Variants in SLC23A2 observed in about 807,000 individuals in gnomAD.
SLC23A2 encodes Na(+)/L-ascorbic acid transporter 2.
SLC23A2 carries 36 observed loss-of-function variants against 73.3 expected under a neutral mutation model. The ratio of observed to expected loss-of-function variants is 0.49; its 90% CI spans 0.38 to 0.65. SLC23A2 has a LOEUF of 0.65. Among genes scored for constraint, SLC23A2 ranks in the 30% least tolerant of loss-of-function variants. The pLI is 0.00. For synonymous variants in SLC23A2, 343 were observed against 327.3 expected (o/e 1.05, Z -0.52); for missense variants, 507 against 841.6 (o/e 0.60, Z 4.92).
Position 4,899,477 on chromosome 20 carries a change from A to C in SLC23A2, c.482+78T>G. On this transcript the variant is annotated intron_variant, in intron 6 of 16. Coordinates refer to ENST00000338244, the MANE Select transcript of SLC23A2 (RefSeq NM_005116.6). The surrounding 1 kb of genome is among the most constrained non-coding windows in gnomAD (Gnocchi z 4.9). ...TCTGTCCTTGCCAACAGCCCTAGGCAAACGGCGCAGCTCAATGCCTTCTGC... is the reference window on the plus strand; with the variant it reads ...TCTGTCCTTGCCAACAGCCCTAGGCCAACGGCGCAGCTCAATGCCTTCTGC... 3 of 1,519,840 alleles carry C rather than the reference A, an allele frequency of 2.0e-6. No homozygotes were observed. Among genetic ancestry groups the C allele is most frequent in the Non-Finnish European group, 2.7e-6 (3 of 1,101,644 alleles). The allele number at this position is 1,519,840 out of a possible 1,614,324, so 94.1% of individuals were successfully genotyped here. A position where few individuals can be genotyped will look rare whatever the true frequency, so the allele number is the denominator to read the frequency against.
intron 2 of SLC23A2, among the ~76,000 whole-genome samples, chr20:4,962,813 C>A (rs2122189723): frequency 6.6e-6 from 1 of 152,244 alleles, no homozygotes; most frequent in East Asian, 1.9e-4. Context: ...GCCTTGCCAA[C>A]ATGGTAAAAC....
intron 2 of SLC23A2, among the ~76,000 whole-genome samples, chr20:4,954,378 A>G (rs1453936246): frequency 6.6e-6 from 1 of 152,136 alleles, no homozygotes; most frequent in Non-Finnish European, 1.5e-5. Flanking sequence ...TCATGCCACA[A>G]GGAAAATTTC....
At chr20:4,887,094 G>A (rs544555479) in intron 6 of SLC23A2, among the ~76,000 whole-genome samples, 82 of 152,276 alleles carry the variant, frequency 5.4e-4, no homozygotes, top group African/African-American at 1.4e-3. Flanking sequence ...GAGTAGGAAG[G>A]GTGCTGGCTT....
chr20:4,909,907 G>T (rs111657866), intron 4 of SLC23A2, among the ~76,000 whole-genome samples: 6 of 152,098 alleles, frequency 3.9e-5, no homozygotes, highest in African/African-American at 1.4e-4. Context: ...AGTTACAGAA[G>T]ACAAGTTTAT....
At chr20:4,924,016 G>A (rs1351058825) in intron 3 of SLC23A2, among the ~76,000 whole-genome samples, 1 of 152,164 alleles carries the variant, frequency 6.6e-6, no homozygotes. Context: ...AAGGAGCATG[G>A]GTCCCTGATC....
At chr20:4,951,472 G>C (rs775697502) in intron 2 of SLC23A2, among the ~76,000 whole-genome samples, 128 of 152,108 alleles carry the variant, frequency 8.4e-4, no homozygotes, top group Non-Finnish European at 1.7e-3. Context: ...CAAAGAACAA[G>C]GCCAAGCTGT....
At chr20:4,870,795 C>T (rs1481271680) in intron 11 of SLC23A2, among the ~76,000 whole-genome samples, 2 of 152,172 alleles carry the variant, frequency 1.3e-5, no homozygotes, top group Non-Finnish European at 2.9e-5. Flanking sequence ...AGTGAAAAGG[C>T]AGTGAGAAAT....
chr20:4,869,921 A>C lies in SLC23A2; in HGVS notation c.1235T>G (p.Ile412Ser). Residue 412 changes from isoleucine (I) to serine (S), a missense_variant, in exon 12 of 17, where the codon ATC becomes AGC. This residue lies in a region of SLC23A2 where 27 missense variants were observed against 18.2 expected (regional missense o/e 1.48). Coordinates refer to ENST00000338244, the MANE Select transcript of SLC23A2 (RefSeq NM_005116.6). ...AGGAACGTACCTGTTTATTGCGTGG[A>C]TGGGGGGGGGTGGGGCACAGGACAG... is the stretch of plus-strand genomic sequence containing the variant. Reference protein sequence around the residue: ...ARLSCAPPPPIHAINRGIFVE... With the variant: ...ARLSCAPPPPSHAINRGIFVE... 1.8e-5 allele frequency: 20 copies of C among 1,114,626 alleles called. No individual in the cohort carries two copies. Among genetic ancestry groups the C allele is most frequent in the Non-Finnish European group, 2.7e-5 (20 of 749,206 alleles). The allele number at this position is 1,114,626 out of a possible 1,614,324, so 69.0% of individuals were successfully genotyped here. A position where few individuals can be genotyped will look rare whatever the true frequency, so the allele number is the denominator to read the frequency against.
intron 4 of SLC23A2, among the ~76,000 whole-genome samples, chr20:4,903,959 C>T (rs1212347018): frequency 1.3e-5 from 2 of 152,148 alleles, no homozygotes; most frequent in African/African-American, 4.8e-5. Context: ...TTGCCTGGTA[C>T]GTGGGGGATA....
chr20:4,860,973 G>A (rs1218616466), intron 15 of SLC23A2, among the ~76,000 whole-genome samples: 2 of 152,174 alleles, frequency 1.3e-5, no homozygotes, highest in Non-Finnish European at 2.9e-5. Context: ...CCCAGGAGGC[G>A]GAGGTTGCAG....
At chr20:4,982,967 T>C (rs1186084345) in intron 1 of SLC23A2, among the ~76,000 whole-genome samples, 1 of 152,048 alleles carries the variant, frequency 6.6e-6, no homozygotes, top group Non-Finnish European at 1.5e-5. Flanking sequence ...TAGCCGGGCA[T>C]GGTAGCACAC....
rs983556937 is a variant in SLC23A2, at chr20:4,970,801, T to A, written c.-163A>T. On this transcript the variant is annotated 5_prime_UTR_variant, in exon 2 of 17. Coordinates refer to ENST00000338244, the MANE Select transcript of SLC23A2 (RefSeq NM_005116.6). ...TTGTGTTTTACACGCACCTAAGTGA[T>A]GTGGCGTAGACCTGTCCATATGCTT... The A allele has an allele frequency of 6.6e-6, 1 of 152,192 alleles. No individual in the cohort carries two copies. Among genetic ancestry groups the A allele is most frequent in the African/African-American group, 2.4e-5 (1 of 41,444 alleles). The allele number at this position is 152,192 out of a possible 1,614,324, so 9.4% of individuals were successfully genotyped here.
Position 4,902,540 on chromosome 20 carries a change from G to C in SLC23A2, c.226C>G (p.Leu76Val), listed in dbSNP as rs758297151. 1.2e-6 allele frequency: 2 copies of C among 1,608,044 alleles called. No homozygotes were observed. Among genetic ancestry groups the C allele is most frequent in the South Asian group, 2.2e-5 (2 of 90,314 alleles). ...IAEKSSLAET[L>V]DSTGSLDPQR... ...GGGTCCAGACTGCCAGTGCTATCCAGGGTCTCAGCGAGAGAGCTCTGCGAG... is the reference window on the plus strand; with the variant it reads ...GGGTCCAGACTGCCAGTGCTATCCACGGTCTCAGCGAGAGAGCTCTGCGAG... Residue 76 changes from leucine to valine, a missense_variant, in exon 5 of 17, where the codon CTG (leucine) becomes GTG (valine). Transcript: ENST00000338244. This position sits in a 1 kb window ranked among gnomAD's most constrained non-coding sequence, Gnocchi z 4.0.
chr20:4,870,312 C>T (rs1301078204), intron 11 of SLC23A2, among the ~76,000 whole-genome samples: 2 of 152,180 alleles, frequency 1.3e-5, no homozygotes, highest in South Asian at 2.1e-4. Context: ...GATGCGGTGG[C>T]TCACGCCTGT....
At position 4,867,962 on chromosome 20, in the gene SLC23A2, A is replaced by G. The variant is rs1930271346; in HGVS notation, c.1251-87T>C. ...ATAGCCTCTACACATCTACAATCCAAAAATGTGGTCCAGAGCCTGCAGCTT... is the reference window on the plus strand; with the variant it reads ...ATAGCCTCTACACATCTACAATCCAGAAATGTGGTCCAGAGCCTGCAGCTT... On this transcript the variant is annotated intron_variant, in intron 12 of 16. Transcript: ENST00000338244. The G allele has an allele frequency of 2.0e-5, 16 of 784,470 alleles. No individual in the cohort carries two copies. In the Admixed American group the frequency reaches 3.3e-4, roughly 16 times the overall value. The allele number at this position is 784,470 out of a possible 1,614,324, so 48.6% of individuals were successfully genotyped here.
At chr20:4,983,600 C>T (rs113127567) in intron 1 of SLC23A2, among the ~76,000 whole-genome samples, 24 of 149,376 alleles carry the variant, frequency 1.6e-4, no homozygotes, top group Non-Finnish European at 4.4e-5. Context: ...GAGCCGAGAC[C>T]GCGCCACTGC....
intron 1 of SLC23A2, among the ~76,000 whole-genome samples, chr20:4,979,483 T>TG: frequency 6.6e-6 from 1 of 151,226 alleles, no homozygotes; most frequent in Middle Eastern, 3.4e-3. Context: ...GGCAGGAGGA[T>TG]GACTTGAGGC....
chr20:4,956,583 T>C (rs2087291373), intron 2 of SLC23A2, among the ~76,000 whole-genome samples: 1 of 152,190 alleles, frequency 6.6e-6, no homozygotes, highest in Non-Finnish European at 1.5e-5. Context: ...TTATATTTCA[T>C]TAAGAGGTGT....
At chr20:4,973,333 A>G (rs964176409) in intron 1 of SLC23A2, among the ~76,000 whole-genome samples, 1 of 152,232 alleles carries the variant, frequency 6.6e-6, no homozygotes, top group Non-Finnish European at 1.5e-5. Flanking sequence ...GCAAAGTGCA[A>G]ATTAACAGAA....
Sources: allele counts gnomAD v4.1 joint callset (sites outside exome capture counted in the v4.1 genomes callset), GRCh38; gene constraint gnomAD v4.1.1; regional missense constraint gnomAD v4.1.1; non-coding constraint Gnocchi (gnomAD v3.1); transcripts MANE v1.5; gene names NCBI Gene and HGNC (gene_info 2026-07-23, HGNC 2026-07-21).